The following PCDHA7 variants were observed in gnomAD, a reference collection of about 807,000 sequenced individuals.
PCDHA7 encodes protocadherin alpha-7.
In PCDHA7, 37 loss-of-function variants were observed where a neutral mutation model predicts 57.2. The observed-to-expected ratio is 0.65, with a 90% CI of 0.50 to 0.85. PCDHA7 has a LOEUF of 0.85. Ranked by LOEUF, PCDHA7 falls within the 40% of genes least tolerant of loss-of-function variation. The pLI is 0.00. For synonymous variants in PCDHA7, 553 were observed against 558.8 expected (o/e 0.99, Z 0.15); for missense variants, 1,188 against 1,241.8 (o/e 0.96, Z 0.65).
At position 141,011,045 on chromosome 5, in the gene PCDHA7, G is replaced by A. The variant is rs949707438; in HGVS notation, c.*1108G>A. 2 of 153,712 alleles carry A rather than the reference G, an allele frequency of 1.3e-5. No individual in the cohort carries two copies. Among genetic ancestry groups the A allele is most frequent in the African/African-American group, 4.8e-5 (2 of 41,422 alleles). The allele number at this position is 153,712 out of a possible 1,614,324, so 9.5% of individuals were successfully genotyped here. ...CAGCTTTACTCTTTCAGGTCACTCT[G>A]GGGCTGCCTCTTGCATGTATTACTA... On this transcript the variant is annotated 3_prime_UTR_variant, in exon 4 of 4. Coordinates refer to ENST00000525929, the MANE Select transcript of PCDHA7 (RefSeq NM_018910.3).
chr5:140,836,332 T>C lies in PCDHA7; in HGVS notation c.1949T>C (p.Leu650Pro), dbSNP rs2150258033. The change falls in exon 1 of 4, where the codon CTT becomes CCT. Residue 650 changes from leucine (L) to proline (P), a missense_variant. Physicochemically the swap from Leu to Pro is moderately conservative, Grantham distance 98 (BLOSUM62 -3). This residue lies in a region of PCDHA7 where 892 missense variants were observed against 788.5 expected (regional missense o/e 1.13). Coordinates refer to ENST00000525929, the MANE Select transcript of PCDHA7 (RefSeq NM_018910.3). ...GCACCGCGCCACCGCCTTCTGGTGC[T>C]TGTGAAGGACCACGGGGAGCCCTCG... ...TDAPRHRLLV[L>P]VKDHGEPSLT... The C allele has an allele frequency of 1.2e-6, 2 of 1,613,714 alleles. No individual in the cohort carries two copies. The highest frequency in any genetic ancestry group is 1.7e-6 in the Non-Finnish European group (2 of 1,179,828).
intron 1 of PCDHA7, among the ~76,000 whole-genome samples, chr5:140,971,061 G>A (rs2096454888): frequency 6.6e-6 from 1 of 152,154 alleles, no homozygotes; most frequent in Non-Finnish European, 1.5e-5. Context: ...TTTAAATAAG[G>A]TTGCTGTAGA....
chr5:140,898,542 T>G (rs368410152), intron 1 of PCDHA7, among the ~76,000 whole-genome samples: 2 of 152,286 alleles, frequency 1.3e-5, no homozygotes, highest in East Asian at 3.9e-4. Context: ...CTGTTCCATT[T>G]ATCTATGTCT....
intron 1 of PCDHA7, among the ~76,000 whole-genome samples, chr5:140,941,214 C>CTTTCTTT (rs1554214039): frequency 0.058 from 7,135 of 122,220 alleles, 362 homozygotes; most frequent in South Asian, 0.079. Context: ...TTTCTTTCTT[C>CTTTCTTT]CTTTCTTTCT....
chr5:140,948,763 C>T (rs1195337502), intron 1 of PCDHA7, among the ~76,000 whole-genome samples: 4 of 151,102 alleles, frequency 2.6e-5, no homozygotes, highest in Non-Finnish European at 4.4e-5. Flanking sequence ...TGATTTTTTT[C>T]GAATAGCCAG....
At chr5:140,942,351 G>GCAGTTAA (rs1563195355) in intron 1 of PCDHA7, among the ~76,000 whole-genome samples, 1 of 152,024 alleles carries the variant, frequency 6.6e-6, no homozygotes. Context: ...GGCGGAGGTT[G>GCAGTTAA]CAGTTAACGG....
chr5:140,930,404 T>C (rs2086793049), intron 1 of PCDHA7: 1 of 152,170 alleles, frequency 6.6e-6, no homozygotes, highest in African/African-American at 2.4e-5. Flanking sequence ...TTTTTTTTTT[T>C]TGAGACAGGG....
chr5:140,851,823 GT>G, intron 1 of PCDHA7: 1 of 963,106 alleles, frequency 1.0e-6, no homozygotes, highest in Non-Finnish European at 1.3e-6. Context: ...ACAGAAATCT[GT>G]TTTTTTAAAA....
chr5:140,855,885 A>C lies in PCDHA7; in HGVS notation c.2355+19147A>C, dbSNP rs182267691. The C allele has an allele frequency of 1.4e-3, 1,364 of 972,052 alleles. 77 individuals carry two copies. Among genetic ancestry groups the C allele is most frequent in the Non-Finnish European group, 3.0e-4 (200 of 667,108 alleles). The allele number at this position is 972,052 out of a possible 1,614,324, so 60.2% of individuals were successfully genotyped here. On this transcript the variant is annotated intron_variant, in intron 1 of 3. Coordinates refer to ENST00000525929, the MANE Select transcript of PCDHA7 (RefSeq NM_018910.3). ...TGTCGTCCACAAAATAGCTTTTTAG[A>C]ACAAAGGCATCAGCCAGTTTCTCAA...
intron 1 of PCDHA7, among the ~76,000 whole-genome samples, chr5:140,886,261 T>C (rs1162814294): frequency 1.3e-5 from 2 of 152,036 alleles, no homozygotes; most frequent in African/African-American, 4.8e-5. Context: ...TCTCTATTTA[T>C]AGATAAAATT....
intron 1 of PCDHA7, among the ~76,000 whole-genome samples, chr5:140,896,597 G>A (rs577303751): frequency 1.3e-5 from 2 of 151,484 alleles, no homozygotes; most frequent in African/African-American, 4.8e-5. Flanking sequence ...GGCTGGTCTC[G>A]AACTCCTGGT....
At chr5:140,982,241 T>G in intron 2 of PCDHA7, 1 of 696,668 alleles carries the variant, frequency 1.4e-6, no homozygotes, top group South Asian at 3.3e-5. Context: ...AGAATTGCCA[T>G]AAAGATAGAA....
chr5:140,990,518 T>G (rs2097397992), intron 3 of PCDHA7, among the ~76,000 whole-genome samples: 1 of 152,314 alleles, frequency 6.6e-6, no homozygotes, highest in South Asian at 2.1e-4. Context: ...CTCTCTTGTC[T>G]TTTTTGACTG....
intron 1 of PCDHA7, chr5:140,841,865 G>C: frequency 1.2e-6 from 2 of 1,613,856 alleles, no homozygotes; most frequent in Non-Finnish European, 1.7e-6. Flanking sequence ...CATGCTAGAT[G>C]TGAATTCAAA....
intron 2 of PCDHA7, among the ~76,000 whole-genome samples, chr5:140,979,275 C>T (rs141662665): frequency 6.6e-6 from 1 of 152,320 alleles, no homozygotes; most frequent in East Asian, 1.9e-4. Flanking sequence ...AAAATTTCTA[C>T]AGGGAAGTAA....
chr5:140,870,972 G>A, intron 1 of PCDHA7: 2 of 1,613,640 alleles, frequency 1.2e-6, no homozygotes, highest in Non-Finnish European at 1.7e-6. Flanking sequence ...CGTTCCGCGT[G>A]GGGCTGTACA....
chr5:140,941,169 C>T (rs1283079666), intron 1 of PCDHA7, among the ~76,000 whole-genome samples: 1 of 145,950 alleles, frequency 6.9e-6, no homozygotes, highest in Admixed American at 6.9e-5. Flanking sequence ...GACTCCCCAT[C>T]TTGAACATCC....
chr5:140,897,178 CA>C (rs1414076017), intron 1 of PCDHA7, among the ~76,000 whole-genome samples: 4 of 151,978 alleles, frequency 2.6e-5, no homozygotes, highest in South Asian at 2.1e-4. Context: ...TCCATGGGTT[CA>C]AAAAATATAT....
At chr5:140,838,075 ATAGTGT>A (rs1332388454) in intron 1 of PCDHA7, among the ~76,000 whole-genome samples, 13,757 of 126,792 alleles carry the variant, frequency 0.11, 706 homozygotes, top group East Asian at 0.24. Context: ...TTATATATAT[ATAGTGT>A]GTGTGTGTGT....
Sources: allele counts gnomAD v4.1 joint callset (sites outside exome capture counted in the v4.1 genomes callset), GRCh38; gene constraint gnomAD v4.1.1; regional missense constraint gnomAD v4.1.1; transcripts MANE v1.5; gene names NCBI Gene and HGNC (gene_info 2026-07-23, HGNC 2026-07-21).